The following MARCHF1 variants were observed in gnomAD, a reference collection of about 807,000 sequenced individuals.
MARCHF1 encodes membrane associated ring-CH-type finger 1.
MARCHF1 carries 40 observed loss-of-function variants against 54.2 expected under a neutral mutation model. The ratio of observed to expected loss-of-function variants is 0.74; its 90% CI spans 0.57 to 0.96. The LOEUF (loss-of-function observed/expected upper bound fraction) is 0.96, where lower values mean the gene tolerates loss of function less well. Among genes scored for constraint, MARCHF1 ranks in the 40% least tolerant of loss-of-function variants. The probability of loss-of-function intolerance (pLI) is 0.00; values close to 1 mark genes in which losing one functional copy is unlikely to be tolerated. For missense variants in MARCHF1, 586 were observed against 656.5 expected (o/e 0.89, Z 1.17); for synonymous variants, 236 against 236.3 (o/e 1.00, Z 0.01).
At chr4:164,107,161 A>T (rs1755724104) in intron 2 of MARCHF1, among the ~76,000 whole-genome samples, 1 of 152,118 alleles carries the variant, frequency 6.6e-6, no homozygotes, top group African/African-American at 2.4e-5. Context: ...TTATTTTGAT[A>T]AAAAAATTAT....
At chr4:163,664,201 AAAT>A (rs1352155354) in intron 5 of MARCHF1, among the ~76,000 whole-genome samples, 1 of 152,106 alleles carries the variant, frequency 6.6e-6, no homozygotes, top group Non-Finnish European at 1.5e-5. Flanking sequence ...TTTCCTGAGA[AAAT>A]AATAAATGTA....
intron 2 of MARCHF1, among the ~76,000 whole-genome samples, chr4:164,101,114 G>A (rs558012576): frequency 5.9e-5 from 9 of 152,180 alleles, no homozygotes; most frequent in South Asian, 2.1e-4. Context: ...AGGGTCCTAC[G>A]CCCACGGAGT....
chr4:164,093,463 A>G (rs1034440535), intron 2 of MARCHF1, among the ~76,000 whole-genome samples: 1 of 152,204 alleles, frequency 6.6e-6, no homozygotes, highest in Non-Finnish European at 1.5e-5. Context: ...ATGAAAAGTA[A>G]TAACTAGATC....
intron 4 of MARCHF1, among the ~76,000 whole-genome samples, chr4:163,776,773 G>A (rs1285545339): frequency 6.6e-6 from 1 of 152,128 alleles, no homozygotes; most frequent in Non-Finnish European, 1.5e-5. Context: ...ATATATGAAA[G>A]TATCTTGTAA....
At chr4:163,609,684 A>G (rs1358771662) in intron 7 of MARCHF1, among the ~76,000 whole-genome samples, 1 of 150,764 alleles carries the variant, frequency 6.6e-6, no homozygotes. Context: ...ACACATATAT[A>G]TATATTTTTT....
At chr4:163,924,247 T>A (rs946373850) in intron 3 of MARCHF1, among the ~76,000 whole-genome samples, 1 of 152,062 alleles carries the variant, frequency 6.6e-6, no homozygotes. Context: ...GATCCTCTTT[T>A]AGAAAGTAAT....
chr4:163,736,798 T>A (rs1020779713), intron 4 of MARCHF1, among the ~76,000 whole-genome samples: 15 of 152,176 alleles, frequency 9.9e-5, no homozygotes, highest in Admixed American at 6.6e-5. Context: ...TCTATTACAG[T>A]CAACAGATAG....
At chr4:164,318,332 C>T (rs1016048941) in intron 1 of MARCHF1, among the ~76,000 whole-genome samples, 8 of 151,964 alleles carry the variant, frequency 5.3e-5, no homozygotes, top group African/African-American at 7.3e-5. Context: ...TTGATGTTAA[C>T]GTGGGAAGTA....
intron 2 of MARCHF1, among the ~76,000 whole-genome samples, chr4:164,080,147 T>C (rs910389399): frequency 6.6e-6 from 1 of 152,178 alleles, no homozygotes; most frequent in African/African-American, 2.4e-5. Flanking sequence ...ACCATGTGAA[T>C]AAGTCATATG....
intron 1 of MARCHF1, among the ~76,000 whole-genome samples, chr4:164,363,110 G>C (rs10517806): frequency 0.52 from 78,956 of 151,844 alleles, 21,336 homozygotes; most frequent in East Asian, 0.65. Context: ...CTGTTTCAAA[G>C]TTAAACACGG....
intron 2 of MARCHF1, among the ~76,000 whole-genome samples, chr4:164,097,623 A>G (rs1236616150): frequency 1.3e-5 from 2 of 151,962 alleles, no homozygotes; most frequent in Non-Finnish European, 2.9e-5. Flanking sequence ...ATTTAAGTAT[A>G]TGTATTAAAA....
At chr4:164,304,502 T>C (rs1734648625) in intron 1 of MARCHF1, among the ~76,000 whole-genome samples, 3 of 152,156 alleles carry the variant, frequency 2.0e-5, no homozygotes, top group Admixed American at 1.3e-4. Context: ...ACAGCAGTGG[T>C]CAGATCTGGC....
chr4:163,962,713 T>G (rs991413589), intron 3 of MARCHF1, among the ~76,000 whole-genome samples: 12 of 151,964 alleles, frequency 7.9e-5, no homozygotes, highest in African/African-American at 2.9e-4. Flanking sequence ...TTTACAAAAA[T>G]GTTTTCAGCA....
chr4:163,934,473 T>A (rs772872676), intron 3 of MARCHF1, among the ~76,000 whole-genome samples: 1 of 148,294 alleles, frequency 6.7e-6, no homozygotes, highest in South Asian at 2.1e-4. Context: ...GTGGGAGGAC[T>A]GCTTGAACCC....
rs569914790 is a variant in MARCHF1 at position 164,085,162 on chromosome 4, T to C, written c.-248+26426A>G. ...AAGTACAGGATTGGTTTTCAAGCAA[T>C]TGAAAGGCTTTCTGTGTAGTGGATC... On this transcript the variant is annotated intron_variant, in intron 2 of 9. Coordinates refer to ENST00000514618, the MANE Select transcript of MARCHF1 (RefSeq NM_001394959.1). Among the ~76,000 whole-genome samples the C allele has an allele frequency of 2.3e-3, 350 of 151,956 alleles. 2 individuals are homozygous for C. Among genetic ancestry groups the C allele is most frequent in the African/African-American group, 8.0e-3 (331 of 41,554 alleles).
rs185429114 is a variant in MARCHF1, at chr4:164,349,612, G to C, written c.-323+34258C>G. Among the ~76,000 whole-genome samples the C allele has an allele frequency of 2.7e-3, 414 of 152,230 alleles. 1 individual carries two copies. The highest frequency in any genetic ancestry group is 9.3e-3 in the African/African-American group (386 of 41,552). On this transcript the variant is annotated intron_variant, in intron 1 of 9. Coordinates refer to ENST00000514618, the MANE Select transcript of MARCHF1 (RefSeq NM_001394959.1). ...CTTCTGGAATTAGTACAATTTTAGAGAGTAAAAGTTTTCATAAGACTTCAA... is the reference window on the plus strand; with the variant it reads ...CTTCTGGAATTAGTACAATTTTAGACAGTAAAAGTTTTCATAAGACTTCAA...
At chr4:163,896,666 C>A (rs1750814013) in intron 3 of MARCHF1, among the ~76,000 whole-genome samples, 1 of 152,144 alleles carries the variant, frequency 6.6e-6, no homozygotes, top group Admixed American at 6.6e-5. Flanking sequence ...GTTTTCCTGA[C>A]ATCTATCTCT....
At chr4:163,898,928 C>T (rs750604095) in intron 3 of MARCHF1, among the ~76,000 whole-genome samples, 13 of 151,834 alleles carry the variant, frequency 8.6e-5, no homozygotes, top group Admixed American at 2.0e-4. Context: ...AGTGAACTAA[C>T]TAGAAAACAG....
chr4:164,215,905 T>G (rs1412865418), intron 1 of MARCHF1, among the ~76,000 whole-genome samples: 1 of 152,210 alleles, frequency 6.6e-6, no homozygotes, highest in Non-Finnish European at 1.5e-5. Context: ...ACTTTTTATT[T>G]TATTTAAAAA....
Sources: gnomAD v4.1 joint callset for allele counts (sites outside exome capture counted in the v4.1 genomes callset) on GRCh38, gnomAD v4.1.1 for gene constraint, MANE v1.5 for transcripts, NCBI Gene and HGNC (gene_info 2026-07-23, HGNC 2026-07-21) for gene names.